The following CADPS variants were observed in gnomAD, a reference collection of about 807,000 sequenced individuals.
The protein encoded by CADPS is calcium-dependent secretion activator 1.
In CADPS, 57 loss-of-function variants were observed where a neutral mutation model predicts 167.3. That is an observed-to-expected ratio of 0.34 (90% CI 0.28 to 0.42). The LOEUF (loss-of-function observed/expected upper bound fraction) is 0.42. Among genes scored for constraint, CADPS ranks in the 20% least tolerant of loss-of-function variants. CADPS has a pLI of 1.00. For missense variants in CADPS, 1,414 were observed against 1,738.1 expected, an observed-to-expected ratio of 0.81 and a Z score of 3.32; for synonymous variants, 676 against 635.3, an observed-to-expected ratio of 1.06 and a Z score of -0.96.
intron 1 of CADPS, among the ~76,000 whole-genome samples, chr3:62,775,499 A>G (rs1262592285): frequency 1.3e-5 from 2 of 152,206 alleles, no homozygotes; most frequent in African/African-American, 4.8e-5. Context: ...GATATCAAAA[A>G]AATCTTTAGG....
At chr3:62,626,633 T>C in intron 6 of CADPS, 1 of 697,878 alleles carries the variant, frequency 1.4e-6, no homozygotes, top group Non-Finnish European at 2.6e-6. Flanking sequence ...CCTTTTTTGT[T>C]GTACAAAGAA....
chr3:62,491,540 C>G, intron 20 of CADPS, 60 bp from the exon 21 acceptor site: 1 of 1,025,738 alleles, frequency 9.7e-7, no homozygotes, highest in Admixed American at 2.0e-5. Flanking sequence ...ACGTACAACA[C>G]ACACACACAC....
chr3:62,483,696 G>T (rs926454101), intron 21 of CADPS, among the ~76,000 whole-genome samples: 3 of 152,198 alleles, frequency 2.0e-5, no homozygotes, highest in African/African-American at 7.2e-5. Context: ...AAGGGAAAAT[G>T]GAACTTTTCC....
At chr3:62,795,958 T>A (rs947601030) in intron 1 of CADPS, among the ~76,000 whole-genome samples, 6 of 152,158 alleles carry the variant, frequency 3.9e-5, no homozygotes, top group Admixed American at 2.0e-4. Flanking sequence ...ACACTCTACA[T>A]GATTAAATGT....
At chr3:62,863,222 G>A (rs1037023956) in intron 1 of CADPS, among the ~76,000 whole-genome samples, 1 of 152,116 alleles carries the variant, frequency 6.6e-6, no homozygotes, top group African/African-American at 2.4e-5. Flanking sequence ...CATAGCACAT[G>A]GTTAAGTGTG....
At chr3:62,625,639 C>T (rs1249617552) in intron 6 of CADPS, 1 of 150,720 alleles carries the variant, frequency 6.6e-6, no homozygotes, top group Non-Finnish European at 1.5e-5. Flanking sequence ...TCCTTTTATA[C>T]CTCCTTTTTA....
chr3:62,653,528 T>C (rs1203141632), intron 4 of CADPS, among the ~76,000 whole-genome samples: 1 of 152,230 alleles, frequency 6.6e-6, no homozygotes, highest in Non-Finnish European at 1.5e-5. Flanking sequence ...TTATAATTAA[T>C]CAATCAATTG....
At chr3:62,419,109 G>A (rs1377384512) in intron 28 of CADPS, among the ~76,000 whole-genome samples, 1 of 152,122 alleles carries the variant, frequency 6.6e-6, no homozygotes, top group Non-Finnish European at 1.5e-5. Context: ...GGGAAACTGT[G>A]ATATGTAAGA....
intron 1 of CADPS, among the ~76,000 whole-genome samples, chr3:62,830,397 G>T (rs2074863555): frequency 6.6e-6 from 1 of 152,172 alleles, no homozygotes; most frequent in African/African-American, 2.4e-5. Context: ...CACTTTAATA[G>T]CAATCAGCTG....
At chr3:62,431,418 C>T (rs1254396802) in intron 28 of CADPS, among the ~76,000 whole-genome samples, 1 of 151,848 alleles carries the variant, frequency 6.6e-6, no homozygotes, top group Non-Finnish European at 1.5e-5. Flanking sequence ...TTTTTTTAAA[C>T]TAGCTTCAGA....
At chr3:62,873,463 T>C (rs181042667) in intron 1 of CADPS, among the ~76,000 whole-genome samples, 64 of 152,236 alleles carry the variant, frequency 4.2e-4, no homozygotes, top group Non-Finnish European at 7.5e-4. Flanking sequence ...CAAATTTATT[T>C]AAAAGAGAAC....
rs78526764 is a variant in CADPS at position 62,623,099 on chromosome 3, T to C, written c.1325+22623A>G. On this transcript the variant is annotated intron_variant, in intron 6 of 29. Transcript: ENST00000383710. ...TTCTGTTTTATAACAATGATATGGA[T>C]ACAGTATTACGGTGATATGGAAGGT... Among the ~76,000 whole-genome samples the C allele has an allele frequency of 8.9e-3, 1,354 of 152,330 alleles. 23 individuals carry two copies. Among genetic ancestry groups the C allele is most frequent in the African/African-American group, 0.031 (1,306 of 41,572 alleles).
intron 3 of CADPS, among the ~76,000 whole-genome samples, chr3:62,686,502 C>T (rs192243832): frequency 2.0e-5 from 3 of 151,756 alleles, no homozygotes; most frequent in African/African-American, 7.3e-5. Flanking sequence ...TCTTTTTTGT[C>T]CTGTGGCTAG....
intron 13 of CADPS, 144 bp from the exon 14 acceptor site, chr3:62,518,394 G>A: frequency 4.8e-6 from 3 of 628,550 alleles, no homozygotes; most frequent in Non-Finnish European, 8.2e-6. Flanking sequence ...GCTATTCAGG[G>A]CTAGCTTCCA....
chr3:62,665,350 T>A (rs2074220259), intron 3 of CADPS, among the ~76,000 whole-genome samples: 1 of 152,184 alleles, frequency 6.6e-6, no homozygotes, highest in Admixed American at 6.5e-5. Context: ...AAATTCCACA[T>A]GTGAAACAAC....
rs2057266601 is a variant in CADPS, at chr3:62,446,607, A to G, written c.3637-810T>C. Among the ~76,000 whole-genome samples the G allele has an allele frequency of 6.6e-6, 1 of 152,168 alleles. No homozygotes were observed. On this transcript the variant is annotated intron_variant, in intron 26 of 29. Transcript: ENST00000383710. This position sits in a 1 kb window ranked among gnomAD's most constrained non-coding sequence, Gnocchi z 4.9. The stretch of plus-strand genomic sequence containing the variant: ...ATAGTGCTTATTTCCGCAGGTTGAT[A>G]AGGGTGAATTCACACTTAGCCCCAG...
At chr3:62,778,740 A>T (rs1201824926) in intron 1 of CADPS, among the ~76,000 whole-genome samples, 3 of 152,216 alleles carry the variant, frequency 2.0e-5, no homozygotes, top group Admixed American at 6.5e-5. Flanking sequence ...TTCTGACATA[A>T]GCCAAAGTTA....
intron 3 of CADPS, among the ~76,000 whole-genome samples, chr3:62,725,110 A>G (rs1483963686): frequency 6.6e-6 from 1 of 152,038 alleles, no homozygotes; most frequent in Admixed American, 6.6e-5. Flanking sequence ...GGAATTCCCA[A>G]TCTTCTCCTC....
At chr3:62,621,897 CT>C (rs3080563) in intron 6 of CADPS, among the ~76,000 whole-genome samples, 7 of 147,510 alleles carry the variant, frequency 4.7e-5, no homozygotes, top group African/African-American at 7.5e-5. Flanking sequence ...CTACTTACTT[CT>C]TTTTTTTTTT....
Sources: gnomAD v4.1 joint callset for allele counts (sites outside exome capture counted in the v4.1 genomes callset) on GRCh38, gnomAD v4.1.1 for gene constraint, Gnocchi (gnomAD v3.1) non-coding constraint, MANE v1.5 for transcripts, NCBI Gene and HGNC (gene_info 2026-07-23, HGNC 2026-07-21) for gene names.